PLXDC2: variants seen among roughly 807,000 people sequenced by gnomAD.
PLXDC2 encodes the protein plexin domain containing 2.
Under a neutral mutation model 68.9 loss-of-function variants are expected in PLXDC2, and 40 were observed. The observed-to-expected ratio is 0.58, with a 90% CI of 0.45 to 0.76. The LOEUF is 0.76. PLXDC2 is among the 30% of genes least tolerant of loss of function. PLXDC2 has a pLI of 0.00. For synonymous variants in PLXDC2, 243 were observed against 234.2 expected, an observed-to-expected ratio of 1.04 and a Z score of -0.34; for missense variants, 644 against 661.9, an observed-to-expected ratio of 0.97 and a Z score of 0.30.
At position 20,287,558 on chromosome 10, in the gene PLXDC2, A is replaced by G. The variant is rs1320071930; in HGVS notation, c.*7739A>G. The stretch of plus-strand genomic sequence containing the variant: ...TCAGATTGTCACATTTATAGCAGGG[A>G]AATAAAAACTCAAATTAGGCATCCT... On this transcript the variant is annotated 3_prime_UTR_variant, in exon 14 of 14. Coordinates refer to ENST00000377252, the MANE Select transcript of PLXDC2 (RefSeq NM_032812.9). 3 of 152,152 alleles carry G rather than the reference A, an allele frequency of 2.0e-5. No individual in the cohort carries two copies. Among genetic ancestry groups the G allele is most frequent in the Admixed American group, 2.0e-4 (3 of 15,282 alleles). The allele number at this position is 152,152 out of a possible 1,614,324, so 9.4% of individuals were successfully genotyped here. A position where few individuals can be genotyped will look rare whatever the true frequency, so the allele number is the denominator to read the frequency against.
At chr10:19,962,721 C>T (rs1294313137) in intron 1 of PLXDC2, among the ~76,000 whole-genome samples, 3 of 148,702 alleles carry the variant, frequency 2.0e-5, no homozygotes, top group Non-Finnish European at 4.5e-5. Flanking sequence ...TGCAGTGGCT[C>T]ATGCCTGTAA....
chr10:19,871,108 C>T (rs1837526854), intron 1 of PLXDC2, among the ~76,000 whole-genome samples: 1 of 152,164 alleles, frequency 6.6e-6, no homozygotes, highest in African/African-American at 2.4e-5. Context: ...TCTAGATCCT[C>T]TTGGAAGCTG....
chr10:20,007,021 C>T (rs564313940), intron 2 of PLXDC2, among the ~76,000 whole-genome samples: 2 of 152,200 alleles, frequency 1.3e-5, no homozygotes, highest in South Asian at 2.1e-4. Context: ...AATGAGGTGT[C>T]GGGAAATAGT....
At chr10:20,064,782 C>T (rs11011768) in intron 3 of PLXDC2, among the ~76,000 whole-genome samples, 53,468 of 151,914 alleles carry the variant, frequency 0.35, 11,053 homozygotes, top group East Asian at 0.7. Flanking sequence ...AACTTTTAAG[C>T]CCAATTAATC....
chr10:19,888,751 A>G (rs1233169875), intron 1 of PLXDC2, among the ~76,000 whole-genome samples: 2 of 152,120 alleles, frequency 1.3e-5, no homozygotes, highest in East Asian at 3.9e-4. Flanking sequence ...GGCCATCCCT[A>G]TGAGATGTGC....
intron 13 of PLXDC2, among the ~76,000 whole-genome samples, chr10:20,275,909 T>C (rs1836001111): frequency 1.3e-5 from 2 of 151,600 alleles, no homozygotes; most frequent in African/African-American, 4.9e-5. Context: ...TAAGACTCCA[T>C]CTCAAAAAAT....
intron 1 of PLXDC2, among the ~76,000 whole-genome samples, chr10:19,984,438 A>G (rs1834602529): frequency 6.6e-6 from 1 of 152,330 alleles, no homozygotes; most frequent in African/African-American, 2.4e-5. Context: ...CTTTATTCAC[A>G]TGCCATTCTC....
intron 1 of PLXDC2, among the ~76,000 whole-genome samples, chr10:19,897,434 G>T (rs573483723): frequency 1.3e-5 from 2 of 151,754 alleles, no homozygotes; most frequent in African/African-American, 4.8e-5. Context: ...TAGTAGAGAG[G>T]GGGTTTCTCC....
chr10:19,962,335 CTT>C (rs33953842), intron 1 of PLXDC2, among the ~76,000 whole-genome samples: 4,304 of 58,474 alleles, frequency 0.074, 105 homozygotes, highest in Middle Eastern at 0.097. Context: ...AAAGGAGGTT[CTT>C]TTTTTTTTTT....
intron 1 of PLXDC2, among the ~76,000 whole-genome samples, chr10:19,853,660 G>C (rs202181396): frequency 0.08 from 11,618 of 144,782 alleles, 609 homozygotes; most frequent in East Asian, 0.15. Context: ...GGTGGGGGGG[G>C]GGTTGCAATT....
chr10:20,235,798 A>G (rs1835424744), intron 12 of PLXDC2, among the ~76,000 whole-genome samples: 1 of 152,230 alleles, frequency 6.6e-6, no homozygotes, highest in South Asian at 2.1e-4. Flanking sequence ...CAGGTTATGC[A>G]TATAAATGAT....
intron 1 of PLXDC2, among the ~76,000 whole-genome samples, chr10:19,839,894 C>T (rs1429644922): frequency 6.6e-6 from 1 of 152,156 alleles, no homozygotes; most frequent in Non-Finnish European, 1.5e-5. Flanking sequence ...TGCTTTCATT[C>T]TAAATAGCCA....
intron 1 of PLXDC2, among the ~76,000 whole-genome samples, chr10:19,896,636 C>T (rs1181255211): frequency 1.3e-5 from 2 of 152,062 alleles, no homozygotes; most frequent in Admixed American, 6.5e-5. Context: ...ATTTGAGCTT[C>T]GTGGATGGCA....
At chr10:20,067,938 G>C (rs772819369) in intron 3 of PLXDC2, among the ~76,000 whole-genome samples, 50 of 152,240 alleles carry the variant, frequency 3.3e-4, no homozygotes, top group Non-Finnish European at 5.9e-4. Context: ...TTATTCAGTG[G>C]ACAACTAAAA....
At chr10:20,196,832 C>G (rs984763872) in intron 9 of PLXDC2, among the ~76,000 whole-genome samples, 2 of 152,128 alleles carry the variant, frequency 1.3e-5, no homozygotes, top group African/African-American at 4.8e-5. Context: ...CTTTTTCCCT[C>G]TCTTCTTCCC....
At chr10:20,114,842 G>A (rs551247435) in intron 4 of PLXDC2, among the ~76,000 whole-genome samples, 1 of 152,302 alleles carries the variant, frequency 6.6e-6, no homozygotes, top group East Asian at 1.9e-4. Context: ...GACCAGACCA[G>A]GGAGGGCTTT....
At chr10:19,986,671 T>C (rs1037081002) in intron 1 of PLXDC2, among the ~76,000 whole-genome samples, 1 of 152,180 alleles carries the variant, frequency 6.6e-6, no homozygotes, top group African/African-American at 2.4e-5. Flanking sequence ...TTTTGGGAGT[T>C]GTGAGACATT....
At chr10:19,838,968 C>CT (rs1836851355) in intron 1 of PLXDC2, among the ~76,000 whole-genome samples, 1 of 152,044 alleles carries the variant, frequency 6.6e-6, no homozygotes, top group Admixed American at 6.6e-5. Context: ...AGTGGATCAC[C>CT]TAAGGCCAGG....
intron 1 of PLXDC2, among the ~76,000 whole-genome samples, chr10:19,931,971 G>C (rs1325147384): frequency 6.6e-6 from 1 of 151,962 alleles, no homozygotes; most frequent in Non-Finnish European, 1.5e-5. Flanking sequence ...GTGTGTGTGT[G>C]TGTGTGTGTT....
Sources: gnomAD v4.1 joint callset for allele counts (sites outside exome capture counted in the v4.1 genomes callset) on GRCh38, gnomAD v4.1.1 for gene constraint, MANE v1.5 for transcripts, NCBI Gene and HGNC (gene_info 2026-07-23, HGNC 2026-07-21) for gene names.